PRKAG2: variants seen among roughly 807,000 people sequenced by gnomAD.
PRKAG2 encodes 5'-AMP-activated protein kinase subunit gamma-2.
PRKAG2 carries 26 observed loss-of-function variants against 69.6 expected under a neutral mutation model. The ratio of observed to expected loss-of-function variants is 0.37; its 90% CI spans 0.27 to 0.52. The LOEUF (loss-of-function observed/expected upper bound fraction) is 0.52. Among genes scored for constraint, PRKAG2 ranks in the 20% least tolerant of loss-of-function variants. PRKAG2 has a pLI of 0.90. For missense variants in PRKAG2, 557 were observed against 740.0 expected, an observed-to-expected ratio of 0.75 and a Z score of 2.87; for synonymous variants, 293 against 285.0, an observed-to-expected ratio of 1.03 and a Z score of -0.28.
intron 4 of PRKAG2, among the ~76,000 whole-genome samples, chr7:151,645,359 C>T (rs149889602): frequency 6.6e-6 from 1 of 152,172 alleles, no homozygotes; most frequent in Non-Finnish European, 1.5e-5. Context: ...CTGCCACTAA[C>T]CACATGAGCT....
At position 151,773,032 on chromosome 7, in the gene PRKAG2, AGAGAGAGAGAGAGAGAGAGAGGGAGG is replaced by A. The variant is rs1307138675; in HGVS notation, c.466+8094_466+8119del. ...AAGAAAGAAAGAAAGAAAGAGAGAGAGAGAGAGAGAGAGAGAGAGAGGGAGGGAGGGAGGGAGGGAGGGAGGGAGGG... is the reference window on the plus strand; with the variant it reads ...AAGAAAGAAAGAAAGAAAGAGAGAGAGAGGGAGGGAGGGAGGGAGGGAGGG... On this transcript the variant is annotated intron_variant, in intron 3 of 15. Coordinates refer to ENST00000287878, the MANE Select transcript of PRKAG2 (RefSeq NM_016203.4). Among the ~76,000 whole-genome samples, 204 of 31,240 alleles carry A rather than the reference AGAGAGAGAGAGAGAGAGAGAGGGAGG, an allele frequency of 6.5e-3. 9 individuals are homozygous for A. The East Asian group carries it at 0.1, about 16-fold the overall frequency. The allele number at this position is 31,240 out of a possible 152,430, so 20.5% of individuals were successfully genotyped here. A position where few individuals can be genotyped will look rare whatever the true frequency, so the allele number is the denominator to read the frequency against.
At chr7:151,737,760 T>C (rs984998568) in intron 3 of PRKAG2, among the ~76,000 whole-genome samples, 37 of 152,270 alleles carry the variant, frequency 2.4e-4, no homozygotes, top group Admixed American at 1.6e-3. Flanking sequence ...GCCCAGTCAC[T>C]GCAGATGCCT....
chr7:151,751,877 C>A (rs2074717637), intron 3 of PRKAG2, among the ~76,000 whole-genome samples: 1 of 152,138 alleles, frequency 6.6e-6, no homozygotes, highest in Admixed American at 6.5e-5. Context: ...GGCCTAGAAG[C>A]AATGACACCC....
At chr7:151,569,533 T>C (rs1807068071) in intron 10 of PRKAG2, among the ~76,000 whole-genome samples, 2 of 152,232 alleles carry the variant, frequency 1.3e-5, no homozygotes, top group Non-Finnish European at 2.9e-5. Flanking sequence ...AGGGCCAACA[T>C]TTCTGTTCTA....
chr7:151,648,827 G>A (rs185169839), intron 4 of PRKAG2, among the ~76,000 whole-genome samples: 30 of 152,130 alleles, frequency 2.0e-4, no homozygotes, highest in African/African-American at 7.0e-4. Flanking sequence ...TTTAACCCAA[G>A]GCAACATAGT....
At chr7:151,707,553 G>A (rs1838836864) in intron 3 of PRKAG2, among the ~76,000 whole-genome samples, 1 of 152,128 alleles carries the variant, frequency 6.6e-6, no homozygotes, top group African/African-American at 2.4e-5. Flanking sequence ...TTGAAGGCCA[G>A]AGGCTCTCTG....
At chr7:151,657,421 T>A (rs1829601462) in intron 4 of PRKAG2, among the ~76,000 whole-genome samples, 1 of 152,180 alleles carries the variant, frequency 6.6e-6, no homozygotes, top group South Asian at 2.1e-4. Context: ...GGTATAGGTC[T>A]TGGCTCAGGC....
intron 14 of PRKAG2, among the ~76,000 whole-genome samples, chr7:151,561,754 G>A (rs1180249957): frequency 6.6e-6 from 1 of 151,636 alleles, no homozygotes; most frequent in Non-Finnish European, 1.5e-5. Context: ...CCAATATGGT[G>A]AAACCCTGTC....
intron 1 of PRKAG2, among the ~76,000 whole-genome samples, chr7:151,804,802 G>T (rs1024913733): frequency 6.6e-6 from 1 of 152,140 alleles, no homozygotes; most frequent in Non-Finnish European, 1.5e-5. Flanking sequence ...CAAACTGCAC[G>T]TAGGACATAG....
chr7:151,587,243 C>T (rs1399357996), intron 6 of PRKAG2, among the ~76,000 whole-genome samples: 1 of 152,134 alleles, frequency 6.6e-6, no homozygotes, highest in Non-Finnish European at 1.5e-5. Context: ...ATGTAAAGAA[C>T]AAAATGAAGT....
At chr7:151,759,653 T>C (rs2075302307) in intron 3 of PRKAG2, among the ~76,000 whole-genome samples, 1 of 152,194 alleles carries the variant, frequency 6.6e-6, no homozygotes, top group East Asian at 1.9e-4. Context: ...GCAGGAACGA[T>C]ACCTGCTGCT....
At chr7:151,626,920 T>G (rs1823083834) in intron 5 of PRKAG2, among the ~76,000 whole-genome samples, 1 of 152,094 alleles carries the variant, frequency 6.6e-6, no homozygotes. Context: ...CAGCTGCAAT[T>G]TTTTTGTCTC....
At chr7:151,787,429 C>G (rs887598148) in intron 1 of PRKAG2, among the ~76,000 whole-genome samples, 2 of 151,974 alleles carry the variant, frequency 1.3e-5, no homozygotes, top group Non-Finnish European at 2.9e-5. Context: ...TCTGACCACT[C>G]TAGGTACCTC....
At chr7:151,665,963 A>G (rs1830989615) in intron 4 of PRKAG2, among the ~76,000 whole-genome samples, 1 of 152,222 alleles carries the variant, frequency 6.6e-6, no homozygotes. Flanking sequence ...TAATAGGAGA[A>G]CTAGGGGTCT....
Position 151,583,824 on chromosome 7 carries a change from A to G in PRKAG2, c.865-7372T>C, listed in dbSNP as rs980300649. The stretch of plus-strand genomic sequence containing the variant: ...AAATGTGATAATTAGATAAGAAAAG[A>G]TGGGAAATAAAATGTTCATAGGTAA... On this transcript the variant is annotated intron_variant, in intron 6 of 15. Coordinates refer to ENST00000287878, the MANE Select transcript of PRKAG2 (RefSeq NM_016203.4). The surrounding 1 kb of genome is among the most constrained non-coding windows in gnomAD (Gnocchi z 4.1). Among the ~76,000 whole-genome samples the G allele has an allele frequency of 6.6e-6, 1 of 152,226 alleles. No homozygotes were observed. The highest frequency in any genetic ancestry group is 1.5e-5 in the Non-Finnish European group (1 of 68,044).
intron 15 of PRKAG2, 183 bp downstream of exon 15, chr7:151,560,341 C>T: frequency 6.6e-7 from 1 of 1,513,852 alleles, no homozygotes. Context: ...ATACACTTTC[C>T]TCACTCACGC....
At chr7:151,684,503 G>A (rs984242361) in intron 3 of PRKAG2, among the ~76,000 whole-genome samples, 4 of 152,192 alleles carry the variant, frequency 2.6e-5, no homozygotes, top group African/African-American at 9.6e-5. Context: ...TGTGTGATGA[G>A]TAAGAGGTAA....
At chr7:151,766,209 C>G (rs991541845) in intron 3 of PRKAG2, among the ~76,000 whole-genome samples, 2 of 152,232 alleles carry the variant, frequency 1.3e-5, no homozygotes, top group African/African-American at 4.8e-5. Flanking sequence ...TGCACGAGGA[C>G]TCGGCTGGGC....
chr7:151,713,487 A>G (rs1795643107), intron 3 of PRKAG2, among the ~76,000 whole-genome samples: 1 of 152,146 alleles, frequency 6.6e-6, no homozygotes, highest in Non-Finnish European at 1.5e-5. Flanking sequence ...ATTTAAACAC[A>G]TATGTAAAAG....
Sources: allele counts gnomAD v4.1 joint callset (sites outside exome capture counted in the v4.1 genomes callset), GRCh38; gene constraint gnomAD v4.1.1; non-coding constraint Gnocchi (gnomAD v3.1); transcripts MANE v1.5; gene names NCBI Gene and HGNC (gene_info 2026-07-23, HGNC 2026-07-21).